The following MYOM1 variants were observed in gnomAD, a reference collection of about 807,000 sequenced individuals.
The protein encoded by MYOM1 is myomesin-1.
A neutral mutation model predicts 205.3 loss-of-function variants in MYOM1; 164 were observed. The observed-to-expected ratio is 0.80, with a 90% CI of 0.70 to 0.91. The LOEUF is 0.91. MYOM1 is among the 40% of genes least tolerant of loss of function. The pLI, the probability that MYOM1 is intolerant of heterozygous loss-of-function variation, is 0.00. For missense variants in MYOM1, 2,011 were observed against 2,127.3 expected (o/e 0.95, Z 1.08); for synonymous variants, 772 against 789.4 (o/e 0.98, Z 0.37).
chr18:3,144,498 G>A (rs955617967), intron 13 of MYOM1, among the ~76,000 whole-genome samples: 1 of 152,166 alleles, frequency 6.6e-6, no homozygotes, highest in African/African-American at 2.4e-5. Context: ...CAGATGAAAT[G>A]TAAATGGTTA....
At chr18:3,226,597 C>T in the MYOM1 span, among the ~76,000 whole-genome samples, 1 of 152,194 alleles carries the variant, frequency 6.6e-6, no homozygotes, top group Non-Finnish European at 1.5e-5. The surrounding 1 kb of genome is among the most constrained non-coding windows in gnomAD (Gnocchi z 4.6). Flanking sequence ...GCTCCTTCAA[C>T]ACCCCGTGCC....
intron 22 of MYOM1, among the ~76,000 whole-genome samples, chr18:3,110,220 T>C (rs1035494321): frequency 3.9e-5 from 6 of 152,104 alleles, no homozygotes; most frequent in Non-Finnish European, 2.9e-5. Flanking sequence ...GCTGTGGGTG[T>C]GCGTGGGGGT....
At chr18:3,102,349 A>C (rs571026517) in intron 23 of MYOM1, 125 bp downstream of exon 23, 1 of 999,992 alleles carries the variant, frequency 1.0e-6, no homozygotes, top group East Asian at 2.5e-5. Flanking sequence ...ATTTTCTACA[A>C]TACCAGATAT....
intron 26 of MYOM1, among the ~76,000 whole-genome samples, chr18:3,091,929 A>C (rs1429116970): frequency 6.6e-6 from 1 of 152,036 alleles, no homozygotes; most frequent in Non-Finnish European, 1.5e-5. Flanking sequence ...ACAGAGTTTT[A>C]CCATGATGGC....
At chr18:3,129,179 G>A in intron 18 of MYOM1, 53 bp downstream of exon 18, 2 of 1,564,172 alleles carry the variant, frequency 1.3e-6, no homozygotes, top group Non-Finnish European at 1.7e-6. Flanking sequence ...GACGATGAGA[G>A]GTGAGGACAG....
chr18:3,220,700 A>G (rs917679421), upstream of MYOM1, among the ~76,000 whole-genome samples: 3 of 152,164 alleles, frequency 2.0e-5, no homozygotes, highest in South Asian at 2.1e-4. Context: ...CACTATATTG[A>G]TAGCACTTAG....
At chr18:3,217,378 T>C (rs771940093) in intron 1 of MYOM1, among the ~76,000 whole-genome samples, 5 of 152,218 alleles carry the variant, frequency 3.3e-5, no homozygotes, top group Non-Finnish European at 5.9e-5. Context: ...GGTTTTTGCC[T>C]GAGCAATTGA....
rs556049827 is a variant in MYOM1 at position 3,148,744 on chromosome 18, G to A, written c.1900+401C>T. ...GCCTGTAGTCCCAGCTGCTCGGGAG[G>A]CTGAGGCAGGAGAATGGCGTGAACC... On this transcript the variant is annotated intron_variant, in intron 13 of 37. Transcript: ENST00000356443. 7.3e-5 allele frequency among the ~76,000 whole-genome samples: 11 copies of A among 150,414 alleles called. 2 individuals carry two copies. In the South Asian group the frequency reaches 2.1e-3, roughly 29 times the overall value.
Position 3,174,351 on chromosome 18 carries a change from A to G in MYOM1, c.1023-143T>C, listed in dbSNP as rs535631956. The G allele has an allele frequency of 1.1e-3, 721 of 679,416 alleles. 2 individuals are homozygous for G. Among genetic ancestry groups the G allele is most frequent in the Non-Finnish European group, 8.9e-4 (350 of 393,060 alleles). The allele number at this position is 679,416 out of a possible 1,614,324, so 42.1% of individuals were successfully genotyped here. On this transcript the variant is annotated intron_variant, in intron 6 of 37. Transcript: ENST00000356443. Reference sequence around the variant, plus strand: ...GCTCTTTGGTTCTCCTGGTACAGCTATTTGTCTCTGATCTAGCTACCTGTG... The same window carrying G: ...GCTCTTTGGTTCTCCTGGTACAGCTGTTTGTCTCTGATCTAGCTACCTGTG...
Position 3,119,775 on chromosome 18 carries a change from T to C in MYOM1, c.3118+94A>G, listed in dbSNP as rs1303468538. Reference sequence around the variant, plus strand: ...CAAGAGAATTCTTTTCCCTTAAATATTGACCATATAGTACTTTGAATTTCA... The same window carrying C: ...CAAGAGAATTCTTTTCCCTTAAATACTGACCATATAGTACTTTGAATTTCA... On this transcript the variant is annotated intron_variant, in intron 20 of 37. Transcript: ENST00000356443. 3 of 1,437,600 alleles carry C rather than the reference T, an allele frequency of 2.1e-6. No individual in the cohort carries two copies. The East Asian group carries it at 7.2e-5, about 34-fold the overall frequency. The allele number at this position is 1,437,600 out of a possible 1,614,324, so 89.1% of individuals were successfully genotyped here. A position where few individuals can be genotyped will look rare whatever the true frequency, so the allele number is the denominator to read the frequency against.
chr18:3,070,300 C>A (rs1567888056), intron 37 of MYOM1, among the ~76,000 whole-genome samples: 1 of 152,058 alleles, frequency 6.6e-6, no homozygotes, highest in Non-Finnish European at 1.5e-5. Flanking sequence ...AGGTGTGCAC[C>A]ACCATACCCA....
rs747528982 is a variant in MYOM1, at chr18:3,112,370, G to A, written c.3346C>T (p.Arg1116Ter). 3 of 1,610,732 alleles carry A rather than the reference G, an allele frequency of 1.9e-6. No individual in the cohort carries two copies. The highest frequency in any genetic ancestry group is 1.7e-5 in the Admixed American group (1 of 59,796). Reference protein sequence around the residue: ...KEGVSYVFRVRAINQAGVGKP... With the variant: ...KEGVSYVFRV ...CCAACTCCCGCCTGGTTTATGGCTC[G>A]AACACGGAACACGTAGCTGACGCCC... Residue 1116 changes from arginine to a stop codon, truncating the protein, a stop_gained, in exon 22 of 38, where the codon CGA becomes TGA. Transcript: ENST00000356443. LOFTEE classifies it high-confidence loss of function.
intron 36 of MYOM1, among the ~76,000 whole-genome samples, chr18:3,072,134 T>C (rs1030311329): frequency 6.6e-6 from 1 of 150,830 alleles, no homozygotes; most frequent in Non-Finnish European, 1.5e-5. Flanking sequence ...CACTGCAACC[T>C]CTGCCCACTA....
intron 14 of MYOM1, among the ~76,000 whole-genome samples, chr18:3,141,010 CT>C (rs1199073076): frequency 6.6e-6 from 1 of 152,122 alleles, no homozygotes; most frequent in Non-Finnish European, 1.5e-5. Context: ...CAATTATATC[CT>C]AATCAGAACC....
intron 37 of MYOM1, among the ~76,000 whole-genome samples, chr18:3,071,115 TAAAA>T (rs1418322242): frequency 6.6e-6 from 1 of 151,898 alleles, no homozygotes; most frequent in Non-Finnish European, 1.5e-5. Flanking sequence ...AAAAAATTAT[TAAAA>T]AAAGAAAGAA....
At chr18:3,197,616 G>A (rs1327269259) in intron 2 of MYOM1, among the ~76,000 whole-genome samples, 2 of 152,170 alleles carry the variant, frequency 1.3e-5, no homozygotes, top group Non-Finnish European at 2.9e-5. Flanking sequence ...GCTCACGCCT[G>A]TAATCCCAGC....
intron 5 of MYOM1, among the ~76,000 whole-genome samples, chr18:3,182,867 A>G (rs1486918016): frequency 6.8e-6 from 1 of 147,258 alleles, no homozygotes; most frequent in Non-Finnish European, 1.5e-5. Flanking sequence ...GGCCAGCTTC[A>G]CGGTAGGGGT....
chr18:3,141,791 A>G, intron 14 of MYOM1, 148 bp downstream of exon 14: 2 of 1,011,788 alleles, frequency 2.0e-6, no homozygotes, highest in Non-Finnish European at 2.9e-6. Flanking sequence ...TGTTCTATGG[A>G]GACAGTTCAC....
intron 33 of MYOM1, among the ~76,000 whole-genome samples, chr18:3,083,282 C>T (rs998865387): frequency 6.6e-6 from 1 of 152,130 alleles, no homozygotes; most frequent in South Asian, 2.1e-4. Flanking sequence ...GGATGTTTAT[C>T]TCCTGGGCTC....
Sources: gnomAD v4.1 joint callset for allele counts (sites outside exome capture counted in the v4.1 genomes callset) on GRCh38, gnomAD v4.1.1 for gene constraint, Gnocchi (gnomAD v3.1) non-coding constraint, MANE v1.5 for transcripts, NCBI Gene and HGNC (gene_info 2026-07-23, HGNC 2026-07-21) for gene names.